CDC42BPG: variants seen among roughly 807,000 people sequenced by gnomAD.
The protein encoded by CDC42BPG is serine/threonine-protein kinase MRCK gamma.
In CDC42BPG, 157 loss-of-function variants were observed where a neutral mutation model predicts 192.2. That is an observed-to-expected ratio of 0.82 (90% CI 0.72 to 0.93). The LOEUF (loss-of-function observed/expected upper bound fraction) is 0.93. CDC42BPG is among the 40% of genes least tolerant of loss of function. The pLI is 0.00. For synonymous variants in CDC42BPG, 981 were observed against 918.5 expected (o/e 1.07, Z -1.23); for missense variants, 1,992 against 2,122.1 (o/e 0.94, Z 1.20).
At chr11:64,843,758 G>C (rs762811322) in intron 1 of CDC42BPG, among the ~76,000 whole-genome samples, 1 of 152,156 alleles carries the variant, frequency 6.6e-6, no homozygotes, top group Non-Finnish European at 1.5e-5. Flanking sequence ...CCCCCTCCCC[G>C]GCCCCGGCGC....
Position 64,834,500 on chromosome 11 carries a change from G to T in CDC42BPG, c.2253C>A (p.Ala751=). The T allele has an allele frequency of 6.3e-7, 1 of 1,575,646 alleles. No individual in the cohort carries two copies. ...ARLELQSALE[A]EIRAKQGLQE... Reference sequence around the variant, plus strand: ...GCAGGCCCTGCTTGGCGCGGATCTCGGCCTCCAGCGCTGACTGCAGCTCCA... The same window carrying T: ...GCAGGCCCTGCTTGGCGCGGATCTCTGCCTCCAGCGCTGACTGCAGCTCCA... The change falls in exon 19 of 37, where the codon GCC becomes GCA. Residue 751 remains alanine, a synonymous_variant. Coordinates refer to ENST00000342711, the MANE Select transcript of CDC42BPG (RefSeq NM_017525.3).
intron 16 of CDC42BPG, 77 bp downstream of exon 16, chr11:64,835,270 C>T: frequency 1.2e-6 from 2 of 1,609,716 alleles, no homozygotes; most frequent in East Asian, 4.5e-5. Context: ...TCACTGGCTG[C>T]AGCTTGCCCA....
chr11:64,826,648 G>A, intron 35 of CDC42BPG, 23 bp downstream of exon 35: 1 of 1,584,150 alleles, frequency 6.3e-7, no homozygotes, highest in Non-Finnish European at 8.6e-7. Flanking sequence ...GTGGCACACT[G>A]GAGGCTGAGG....
At chr11:64,839,999 G>A (rs1033988111) in intron 5 of CDC42BPG, 121 bp downstream of exon 5, 20 of 983,102 alleles carry the variant, frequency 2.0e-5, no homozygotes, top group Non-Finnish European at 3.0e-5. Flanking sequence ...CACGGATGAG[G>A]CACCCAGAGA....
In CDC42BPG at chr11:64,839,111, G is replaced by C; in HGVS notation, c.798C>G (p.Ala266=). The C allele has an allele frequency of 6.2e-7, 1 of 1,613,574 alleles. No individual in the cohort carries two copies. Among genetic ancestry groups the C allele is most frequent in the Admixed American group, 1.7e-5 (1 of 60,024 alleles). Residue 266 remains alanine, a synonymous_variant, in exon 7 of 37, where the codon GCC becomes GCG. Coordinates refer to ENST00000342711, the MANE Select transcript of CDC42BPG (RefSeq NM_017525.3). ...GCGTCTCCCCAAAGAGCAGCTCATAGGCGCAGACTCCAAGCGACCACCAGT... is the reference window on the plus strand; with the variant it reads ...GCGTCTCCCCAAAGAGCAGCTCATACGCGCAGACTCCAAGCGACCACCAGT... ...QCDWWSLGVC[A]YELLFGETPF...
Position 64,844,412 on chromosome 11 carries a change from C to T in CDC42BPG, c.158G>A (p.Trp53Ter). 1 of 1,464,728 alleles carries T rather than the reference C, an allele frequency of 6.8e-7. No individual in the cohort carries two copies. The allele number at this position is 1,464,728 out of a possible 1,614,324, so 90.7% of individuals were successfully genotyped here. The change falls in exon 1 of 37, where the codon TGG (tryptophan) becomes TAG (stop). Residue 53 changes from tryptophan (W) to a stop codon, truncating the protein, a stop_gained and splice_region_variant. Coordinates refer to ENST00000342711, the MANE Select transcript of CDC42BPG (RefSeq NM_017525.3). LOFTEE classifies it high-confidence loss of function. The part of the protein sequence containing the change: ...RERSVAQFLS[W>*]ASPFVSKVKE... ...CTCCGTGCCGCCCCGCCACTCACCCCAGCTCAGGAACTGCGCCACGCTGCG... is the reference window on the plus strand; with the variant it reads ...CTCCGTGCCGCCCCGCCACTCACCCTAGCTCAGGAACTGCGCCACGCTGCG...
At position 64,835,756 on chromosome 11, in the gene CDC42BPG, G is replaced by C. The variant is rs1362209958; in HGVS notation, c.1758+6C>G. 1 of 1,613,294 alleles carries C rather than the reference G, an allele frequency of 6.2e-7. No homozygotes were observed. The highest frequency in any genetic ancestry group is 1.7e-5 in the Admixed American group (1 of 59,968). On this transcript the variant is annotated splice_donor_region_variant and intron_variant, in intron 14 of 36. Transcript: ENST00000342711. ...CACCTCTTGCCAAGGGGGAGGACTT[G>C]ACTACCTTGGCCTGGGACGACTCCT...
At position 64,827,578 on chromosome 11, in the gene CDC42BPG, G is replaced by C. The variant is rs1375302025; in HGVS notation, c.4099C>G (p.Leu1367Val). The C allele has an allele frequency of 2.5e-6, 4 of 1,612,526 alleles. No homozygotes were observed. The highest frequency in any genetic ancestry group is 3.4e-6 in the Non-Finnish European group (4 of 1,179,144). Reference protein sequence around the residue: ...RPLNPEGSLFLYGTEKVRLTY... With the variant: ...RPLNPEGSLFVYGTEKVRLTY... ...AGGCGGACCTTCTCGGTGCCGTAGA[G>C]GAACAGGGAGCCCTCTGGATTGAGG... The change falls in exon 32 of 37, where the codon CTC becomes GTC. Residue 1367 changes from leucine (L) to valine (V), a missense_variant. This residue lies in a region of CDC42BPG where 336 missense variants were observed against 277.9 expected (regional missense o/e 1.21). Coordinates refer to ENST00000342711, the MANE Select transcript of CDC42BPG (RefSeq NM_017525.3).
chr11:64,841,361 G>A (rs1040588472), intron 3 of CDC42BPG, among the ~76,000 whole-genome samples: 2 of 150,724 alleles, frequency 1.3e-5, no homozygotes, highest in African/African-American at 4.9e-5. Flanking sequence ...GCTGAGGCAG[G>A]AGAATTACTT....
At position 64,833,754 on chromosome 11, in the gene CDC42BPG, C is replaced by T. The variant is rs1001290714; in HGVS notation, c.2549G>A (p.Arg850His). The change falls in exon 22 of 37, where the codon CGC becomes CAC. Residue 850 changes from arginine to histidine, a missense_variant. Arg to His is a conservative substitution (Grantham distance 29). Coordinates refer to ENST00000342711, the MANE Select transcript of CDC42BPG (RefSeq NM_017525.3). ...GEPDLRPEGR[R>H]SLRMGAVFPR... ...TGTCCTCACCCCCATGCGCAGGCTG[C>T]GTCGGCCCTCCGGCCTCAGATCTGG... is the stretch of plus-strand genomic sequence containing the variant. The T allele has an allele frequency of 5.0e-6, 8 of 1,613,950 alleles. No homozygotes were observed. Among genetic ancestry groups the T allele is most frequent in the African/African-American group, 4.0e-5 (3 of 74,950 alleles).
chr11:64,830,366 G>T, intron 28 of CDC42BPG, 110 bp from the exon 29 acceptor site: 1 of 921,784 alleles, frequency 1.1e-6, no homozygotes, highest in South Asian at 1.4e-5. Flanking sequence ...AATGGGGGTG[G>T]CAATAATCCC....
chr11:64,827,068 G>A lies in CDC42BPG; in HGVS notation c.4371C>T (p.Gly1457=), dbSNP rs143994389. Residue 1457 remains glycine, a synonymous_variant, in exon 34 of 37, where the codon GGC becomes GGT. Transcript: ENST00000342711. ...VHVGPANGRP[G]ARDKSPAPEE... Reference sequence around the variant, plus strand: ...GACTAACCGGGGACTTGTCCCTGGCGCCGGGCCGCCCGTTGGCAGGGCCCA... The same window carrying A: ...GACTAACCGGGGACTTGTCCCTGGCACCGGGCCGCCCGTTGGCAGGGCCCA... The A allele has an allele frequency of 2.5e-6, 4 of 1,611,606 alleles. No homozygotes were observed. The South Asian group carries it at 3.3e-5, about 13-fold the overall frequency.
Position 64,836,539 on chromosome 11 carries a change from AAG to A in CDC42BPG, c.1385-11_1385-10del, listed in dbSNP as rs1942999914. ...CTTGTCCCTCAGCATCTCTGCCAGG[AAG>A]AGTCACTGAGACCTCGAGTGCTGGC... On this transcript the variant is annotated splice_polypyrimidine_tract_variant and intron_variant, in intron 11 of 36. Transcript: ENST00000342711. The A allele has an allele frequency of 1.9e-6, 3 of 1,611,300 alleles. No homozygotes were observed. The highest frequency in any genetic ancestry group is 4.5e-5 in the East Asian group (2 of 44,858).
At position 64,829,393 on chromosome 11, in the gene CDC42BPG, T is replaced by A. The variant is rs561691764; in HGVS notation, c.3967+78A>T. On this transcript the variant is annotated intron_variant, in intron 30 of 36. Transcript: ENST00000342711. Reference sequence around the variant, plus strand: ...CCAAAGGCCTCCAATGCCAGGCTCATGAGTTGAGGCGGGACCCTGTCTTCA... The same window carrying A: ...CCAAAGGCCTCCAATGCCAGGCTCAAGAGTTGAGGCGGGACCCTGTCTTCA... The A allele has an allele frequency of 8.6e-5, 132 of 1,538,622 alleles. 2 individuals carry two copies. In the South Asian group the frequency reaches 1.5e-3, roughly 18 times the overall value.
Position 64,836,721 on chromosome 11 carries a change from G to GGGGGGGGGGGGGGA in CDC42BPG, c.1384+17_1384+18insTCCCCCCCCCCCCC. ...GACTCAGCCCTGGGGGGGGGGGGGGGGTGGGCGGAAGGGATACCTGGCAGC... is the reference window on the plus strand; with the variant it reads ...GACTCAGCCCTGGGGGGGGGGGGGGGGGGGGGGGGGGGGAGTGGGCGGAAGGGATACCTGGCAGC... On this transcript the variant is annotated intron_variant, in intron 11 of 36. Coordinates refer to ENST00000342711, the MANE Select transcript of CDC42BPG (RefSeq NM_017525.3). The GGGGGGGGGGGGGGA allele has an allele frequency of 1.2e-6, 1 of 857,204 alleles. No individual in the cohort carries two copies. The highest frequency in any genetic ancestry group is 1.7e-6 in the Non-Finnish European group (1 of 595,166). 53.1% of individuals were successfully genotyped at this position (857,204 alleles called of 1,614,324 possible). A position where few individuals can be genotyped will look rare whatever the true frequency, so the allele number is the denominator to read the frequency against.
Position 64,839,529 on chromosome 11 carries a change from G to A in CDC42BPG, c.624C>T (p.His208=). The change falls in exon 6 of 37, where the codon CAC becomes CAT. Residue 208 remains histidine (H), a synonymous_variant. Transcript: ENST00000342711. ...PDNVLLDVNG[H]IRLADFGSCL... ...AGGAGCCGAAGTCAGCCAGGCGAAT[G>A]TGCCCGTTCACATCCAGCAGGACGT... is the stretch of plus-strand genomic sequence containing the variant. 2 of 1,613,226 alleles carry A rather than the reference G, an allele frequency of 1.2e-6. No individual in the cohort carries two copies. Among genetic ancestry groups the A allele is most frequent in the Non-Finnish European group, 8.5e-7 (1 of 1,179,992 alleles).
intron 3 of CDC42BPG, among the ~76,000 whole-genome samples, chr11:64,841,346 G>T (rs1012836280): frequency 4.0e-5 from 6 of 151,760 alleles, no homozygotes; most frequent in African/African-American, 1.5e-4. Flanking sequence ...CCAGCTACTC[G>T]GGAGGCTGAG....
intron 5 of CDC42BPG, among the ~76,000 whole-genome samples, chr11:64,839,914 A>C (rs1592721823): frequency 6.6e-6 from 1 of 151,718 alleles, no homozygotes; most frequent in South Asian, 2.1e-4. Context: ...CTAAGCTCTG[A>C]CCCCCTCAGC....
chr11:64,828,157 G>A (rs1479587969), intron 30 of CDC42BPG, among the ~76,000 whole-genome samples: 2 of 152,064 alleles, frequency 1.3e-5, no homozygotes, highest in African/African-American at 2.4e-5. Context: ...GGTGATATGC[G>A]GCACCCAACC....
Sources: allele counts gnomAD v4.1 joint callset (sites outside exome capture counted in the v4.1 genomes callset), GRCh38; gene constraint gnomAD v4.1.1; regional missense constraint gnomAD v4.1.1; transcripts MANE v1.5; gene names NCBI Gene and HGNC (gene_info 2026-07-23, HGNC 2026-07-21).